Variants in CACNB2 observed in about 807,000 individuals in gnomAD.
CACNB2 encodes voltage-dependent L-type calcium channel subunit beta-2.
CACNB2 carries 42 observed loss-of-function variants against 73.3 expected under a neutral mutation model. The ratio of observed to expected loss-of-function variants is 0.57; its 90% CI spans 0.45 to 0.74. The LOEUF (loss-of-function observed/expected upper bound fraction) is 0.74. Among genes scored for constraint, CACNB2 ranks in the 30% least tolerant of loss-of-function variants. The probability of loss-of-function intolerance (pLI) is 0.00; values close to 1 mark genes in which losing one functional copy is unlikely to be tolerated. For missense variants in CACNB2, 940 were observed against 853.0 expected (o/e 1.10, Z -1.27); for synonymous variants, 348 against 310.3 (o/e 1.12, Z -1.28).
intron 2 of CACNB2, among the ~76,000 whole-genome samples, chr10:18,178,996 G>A (rs759720885): frequency 5.3e-5 from 8 of 152,116 alleles, no homozygotes; most frequent in Non-Finnish European, 1.2e-4. Flanking sequence ...TTTTTAAAGA[G>A]GCAGAAACCT....
intron 5 of CACNB2, among the ~76,000 whole-genome samples, chr10:18,504,081 A>T (rs907579717): frequency 6.6e-6 from 1 of 152,236 alleles, no homozygotes; most frequent in African/African-American, 2.4e-5. Context: ...CAAAGGGAGT[A>T]GAAATCTTTC....
At chr10:18,295,358 C>A (rs2039234630) in intron 2 of CACNB2, among the ~76,000 whole-genome samples, 1 of 152,186 alleles carries the variant, frequency 6.6e-6, no homozygotes, top group Non-Finnish European at 1.5e-5. Flanking sequence ...TGGCTGTAGA[C>A]CTGACTTTAT....
At chr10:18,459,091 T>C (rs146549802) in intron 3 of CACNB2, among the ~76,000 whole-genome samples, 1 of 152,102 alleles carries the variant, frequency 6.6e-6, no homozygotes, top group Non-Finnish European at 1.5e-5. Flanking sequence ...AAACATTTTT[T>C]AAAAAGACTT....
At chr10:18,234,693 G>T (rs944248247) in intron 2 of CACNB2, among the ~76,000 whole-genome samples, 2 of 152,150 alleles carry the variant, frequency 1.3e-5, no homozygotes, top group African/African-American at 4.8e-5. Flanking sequence ...AAGGTAGAAT[G>T]GTGGTTCCCA....
chr10:18,225,790 C>A lies in CACNB2; in HGVS notation c.213+74815C>A, dbSNP rs1254702260. 2.0e-5 allele frequency among the ~76,000 whole-genome samples: 3 copies of A among 151,920 alleles called. No homozygotes were observed. In the East Asian group the frequency reaches 5.8e-4, roughly 30 times the overall value. On this transcript the variant is annotated intron_variant, in intron 2 of 13. Transcript: ENST00000324631. ...TAGTAGCTGGAACTACAGATGTGCA[C>A]CATCACACCTGGATAAGTTTTTAAA...
At chr10:18,466,281 C>T (rs918990369) in intron 3 of CACNB2, among the ~76,000 whole-genome samples, 2 of 151,974 alleles carry the variant, frequency 1.3e-5, no homozygotes, top group Non-Finnish European at 2.9e-5. Flanking sequence ...TGTCACCCAG[C>T]CTAGAGTGCA....
At chr10:18,449,322 T>A (rs368255427) in intron 3 of CACNB2, among the ~76,000 whole-genome samples, 122 of 152,220 alleles carry the variant, frequency 8.0e-4, no homozygotes, top group African/African-American at 2.8e-3. Flanking sequence ...GAGGCAGAGC[T>A]TGCAGTGAGC....
At chr10:18,449,347 T>C (rs2046904130) in intron 3 of CACNB2, among the ~76,000 whole-genome samples, 1 of 152,226 alleles carries the variant, frequency 6.6e-6, no homozygotes, top group African/African-American at 2.4e-5. Context: ...ATCGCGCCAC[T>C]GCACTCCAGC....
rs71402148 is a variant in CACNB2, at chr10:18,150,855, CTTTTTTTTT to C, written c.121-11_121-3del. Reference sequence around the variant, plus strand: ...AGGGTCTCATAATAATCTTATTTGTCTTTTTTTTTTTTTTTTTTTTTTTTTAGTCATATG... The same window carrying C: ...AGGGTCTCATAATAATCTTATTTGTCTTTTTTTTTTTTTTTTAGTCATATG... On this transcript the variant is annotated intron_variant, in intron 1 of 13. Transcript: ENST00000324631. 5.9e-4 allele frequency: 285 copies of C among 484,492 alleles called. No homozygotes were observed. Among genetic ancestry groups the C allele is most frequent in the African/African-American group, 3.2e-3 (71 of 22,340 alleles). The allele number at this position is 484,492 out of a possible 1,614,324, so 30.0% of individuals were successfully genotyped here. A position where few individuals can be genotyped will look rare whatever the true frequency, so the allele number is the denominator to read the frequency against.
intron 3 of CACNB2, among the ~76,000 whole-genome samples, chr10:18,434,637 A>G (rs1382481843): frequency 1.3e-5 from 2 of 152,126 alleles, no homozygotes; most frequent in African/African-American, 4.8e-5. Context: ...CTGGGCTCAA[A>G]CAATCCACCC....
intron 2 of CACNB2, among the ~76,000 whole-genome samples, chr10:18,378,160 A>G (rs1030301232): frequency 3.3e-5 from 5 of 152,152 alleles, no homozygotes; most frequent in Admixed American, 1.3e-4. Flanking sequence ...CGCAACTGAT[A>G]ATTATAATAA....
At chr10:18,220,224 TATATATATAG>T (rs1419702739) in intron 2 of CACNB2, among the ~76,000 whole-genome samples, 36 of 48,028 alleles carry the variant, frequency 7.5e-4, no homozygotes, top group African/African-American at 5.4e-3. Context: ...TATATATATA[TATATATATAG>T]AGAGAGAGAG....
rs1554785394 is a variant in CACNB2, at chr10:18,288,676, T to TATACACACACACACACACACACAC, written c.214-113247_214-113246insTACACACACACACACACACACACA. 1.1e-3 allele frequency among the ~76,000 whole-genome samples: 159 copies of TATACACACACACACACACACACAC among 144,420 alleles called. 1 individual carries two copies. The highest frequency in any genetic ancestry group is 4.0e-3 in the African/African-American group (153 of 38,334). The allele number at this position is 144,420 out of a possible 152,430, so 94.7% of individuals were successfully genotyped here. A position where few individuals can be genotyped will look rare whatever the true frequency, so the allele number is the denominator to read the frequency against. ...AGCAAGATGCAGCAAATGAGATTTA[T>TATACACACACACACACACACACAC]ACACACACACACACACACACACACA... On this transcript the variant is annotated intron_variant, in intron 2 of 13. Coordinates refer to ENST00000324631, the MANE Select transcript of CACNB2 (RefSeq NM_201596.3).
intron 2 of CACNB2, among the ~76,000 whole-genome samples, chr10:18,219,287 G>T (rs773532836): frequency 1.6e-4 from 25 of 152,132 alleles, no homozygotes; most frequent in Non-Finnish European, 3.4e-4. Flanking sequence ...AATATTAAAT[G>T]ACTCAGCAGT....
At chr10:18,393,891 A>T (rs569037561) in intron 2 of CACNB2, among the ~76,000 whole-genome samples, 16 of 152,336 alleles carry the variant, frequency 1.1e-4, no homozygotes, top group African/African-American at 3.8e-4. Context: ...TAATGAATGT[A>T]AAATGAGCCC....
At chr10:18,312,036 C>T (rs753654839) in intron 2 of CACNB2, among the ~76,000 whole-genome samples, 2 of 152,144 alleles carry the variant, frequency 1.3e-5, no homozygotes, top group Non-Finnish European at 2.9e-5. Context: ...AATCCCACAC[C>T]TTTTGAAATG....
chr10:18,533,419 C>T (rs1359786272), intron 10 of CACNB2: 2 of 152,458 alleles, frequency 1.3e-5, no homozygotes, highest in Non-Finnish European at 1.5e-5. Context: ...ATGCCATTTT[C>T]TCGGAGTTCA....
intron 2 of CACNB2, among the ~76,000 whole-genome samples, chr10:18,357,005 C>G (rs1382280917): frequency 7.6e-6 from 1 of 131,168 alleles, no homozygotes; most frequent in Non-Finnish European, 1.6e-5. Flanking sequence ...AGTGCAGTGG[C>G]GCGATCTCGA....
At chr10:18,467,476 G>T (rs1307374389) in intron 3 of CACNB2, among the ~76,000 whole-genome samples, 2 of 152,212 alleles carry the variant, frequency 1.3e-5, no homozygotes, top group Non-Finnish European at 2.9e-5. Flanking sequence ...AAAGCTTGCA[G>T]TTTGGTGAAT....
Sources: allele counts gnomAD v4.1 joint callset (sites outside exome capture counted in the v4.1 genomes callset), GRCh38; gene constraint gnomAD v4.1.1; transcripts MANE v1.5; gene names NCBI Gene and HGNC (gene_info 2026-07-23, HGNC 2026-07-21).